LPP: variants seen among roughly 807,000 people sequenced by gnomAD.
The protein encoded by LPP is LIM domain containing preferred translocation partner in lipoma, also known as lipoma-preferred partner.
In LPP, 38 loss-of-function variants were observed where a neutral mutation model predicts 60.4. The observed-to-expected ratio is 0.63, with a 90% CI of 0.49 to 0.83. The LOEUF (loss-of-function observed/expected upper bound fraction) is 0.83. LPP is among the 40% of genes least tolerant of loss of function. The probability of loss-of-function intolerance (pLI) is 0.00; values close to 1 mark genes in which losing one functional copy is unlikely to be tolerated. For missense variants in LPP, 902 were observed against 783.6 expected, an observed-to-expected ratio of 1.15 and a Z score of -1.80; for synonymous variants, 328 against 290.8, an observed-to-expected ratio of 1.13 and a Z score of -1.30.
chr3:188,208,601 A>G (rs1733914124), intron 1 of LPP, among the ~76,000 whole-genome samples: 1 of 152,230 alleles, frequency 6.6e-6, no homozygotes, highest in African/African-American at 2.4e-5. Context: ...CTCCAAGGAA[A>G]ACATCGCAGG....
intron 5 of LPP, among the ~76,000 whole-genome samples, chr3:188,505,632 C>T (rs910622468): frequency 3.3e-5 from 5 of 152,136 alleles, no homozygotes; most frequent in African/African-American, 9.7e-5. Flanking sequence ...GTTAGACATA[C>T]CATTATATTT....
intron 6 of LPP, among the ~76,000 whole-genome samples, chr3:188,559,859 C>T (rs1015618627): frequency 1.3e-5 from 2 of 152,054 alleles, no homozygotes; most frequent in South Asian, 2.1e-4. Flanking sequence ...TCCCCCAAAC[C>T]GCTTTCTTCT....
chr3:188,319,133 A>G lies in LPP; in HGVS notation c.-66-22530A>G, dbSNP rs568754317. Among the ~76,000 whole-genome samples the G allele has an allele frequency of 3.9e-5, 6 of 152,316 alleles. No individual in the cohort carries two copies. In the South Asian group the frequency reaches 1.2e-3, roughly 32 times the overall value. On this transcript the variant is annotated intron_variant, in intron 2 of 11. Coordinates refer to ENST00000617246, the MANE Select transcript of LPP (RefSeq NM_001375462.1). ...TTCACAGATGCTTGAGATAAGGATT[A>G]GAAAGTTCAGACACTGAATCTCCAC...
intron 1 of LPP, among the ~76,000 whole-genome samples, chr3:188,206,511 T>C (rs1396747895): frequency 6.6e-6 from 1 of 152,210 alleles, no homozygotes; most frequent in Non-Finnish European, 1.5e-5. Context: ...GTACACCGGC[T>C]CACAAGAAAG....
intron 1 of LPP, among the ~76,000 whole-genome samples, chr3:188,164,005 A>C (rs2148726159): frequency 6.6e-6 from 1 of 152,000 alleles, no homozygotes; most frequent in South Asian, 2.1e-4. Context: ...AGTGGAATTT[A>C]AGTTTGTTTG....
intron 3 of LPP, among the ~76,000 whole-genome samples, chr3:188,342,897 T>G (rs1347799806): frequency 1.3e-5 from 2 of 152,210 alleles, no homozygotes; most frequent in Non-Finnish European, 2.9e-5. Context: ...CTTAAGTTAT[T>G]TAGATTTTCT....
chr3:188,797,678 G>A (rs577063278), intron 9 of LPP, among the ~76,000 whole-genome samples: 2 of 152,174 alleles, frequency 1.3e-5, no homozygotes, highest in East Asian at 1.9e-4. Flanking sequence ...CAATTCCAAC[G>A]TAATCTAATC....
At chr3:188,809,074 G>C (rs1481777014) in intron 9 of LPP, among the ~76,000 whole-genome samples, 1 of 152,048 alleles carries the variant, frequency 6.6e-6, no homozygotes, top group African/African-American at 2.4e-5. Flanking sequence ...TCTTTATCCA[G>C]TCTATTATTG....
At chr3:188,228,083 G>A (rs2149340599) in intron 2 of LPP, among the ~76,000 whole-genome samples, 1 of 152,302 alleles carries the variant, frequency 6.6e-6, no homozygotes, top group South Asian at 2.1e-4. Flanking sequence ...AGAGAGCCGG[G>A]CTTTAGTTCC....
At chr3:188,308,994 CCTT>C (rs1752497177) in intron 2 of LPP, among the ~76,000 whole-genome samples, 1 of 70,152 alleles carries the variant, frequency 1.4e-5, no homozygotes, top group South Asian at 5.0e-4. Flanking sequence ...TCCCTCCTCT[CCTT>C]CTCCTTCTTC....
chr3:188,189,023 A>G (rs1448784583), intron 1 of LPP, among the ~76,000 whole-genome samples: 1 of 152,188 alleles, frequency 6.6e-6, no homozygotes, highest in Non-Finnish European at 1.5e-5. Context: ...ATTGGAGGTG[A>G]TGATGAGACA....
At chr3:188,783,897 C>A (rs1740678310) in intron 9 of LPP, among the ~76,000 whole-genome samples, 1 of 152,134 alleles carries the variant, frequency 6.6e-6, no homozygotes, top group African/African-American at 2.4e-5. Context: ...TCCCTCCCAA[C>A]TTCCTTGGCA....
chr3:188,573,300 T>A (rs896463608), intron 6 of LPP, among the ~76,000 whole-genome samples: 1 of 152,136 alleles, frequency 6.6e-6, no homozygotes, highest in African/African-American at 2.4e-5. Context: ...ATGCATTTTT[T>A]AAAATGTAAA....
intron 2 of LPP, among the ~76,000 whole-genome samples, chr3:188,248,837 C>T (rs976076777): frequency 2.6e-5 from 4 of 152,054 alleles, no homozygotes; most frequent in South Asian, 4.1e-4. Context: ...ACTGCTAATA[C>T]GTTTTTAAAA....
chr3:188,335,890 C>A (rs35144609), intron 2 of LPP, among the ~76,000 whole-genome samples: 1,597 of 152,218 alleles, frequency 0.01, 24 homozygotes, highest in Non-Finnish European at 0.011. Context: ...TAAAAAAAGA[C>A]TTCCGCTTGC....
intron 9 of LPP, among the ~76,000 whole-genome samples, chr3:188,843,514 G>A (rs2151762840): frequency 6.6e-6 from 1 of 152,178 alleles, no homozygotes. Flanking sequence ...TGGGCTGGGC[G>A]CGGTGGCTCA....
chr3:188,607,370 G>GATAGAT (rs1553941079), intron 6 of LPP, among the ~76,000 whole-genome samples: 45 of 102,732 alleles, frequency 4.4e-4, no homozygotes, highest in African/African-American at 1.4e-3. Context: ...GAAAATAGAA[G>GATAGAT]ATATATATAT....
intron 6 of LPP, among the ~76,000 whole-genome samples, chr3:188,592,337 A>G (rs1838895067): frequency 6.6e-6 from 1 of 151,590 alleles, no homozygotes; most frequent in South Asian, 2.1e-4. Context: ...ACCTATACAA[A>G]ACACACACGC....
At chr3:188,177,321 C>G (rs1256345908) in intron 1 of LPP, among the ~76,000 whole-genome samples, 1 of 152,132 alleles carries the variant, frequency 6.6e-6, no homozygotes, top group Non-Finnish European at 1.5e-5. Flanking sequence ...AGATGGATAC[C>G]AGTCTTGGAG....
Sources: gnomAD v4.1 joint callset for allele counts (sites outside exome capture counted in the v4.1 genomes callset) on GRCh38, gnomAD v4.1.1 for gene constraint, MANE v1.5 for transcripts, NCBI Gene and HGNC (gene_info 2026-07-23, HGNC 2026-07-21) for gene names.